Variants in RYR1 observed in about 807,000 individuals in gnomAD.
RYR1 encodes the protein central core disease of muscle.
Under a neutral mutation model 583.5 loss-of-function variants are expected in RYR1, and 342 were observed. The ratio of observed to expected loss-of-function variants is 0.59; its 90% CI spans 0.54 to 0.64. The LOEUF is 0.64. Ranked by LOEUF, RYR1 falls within the 30% of genes least tolerant of loss-of-function variation. The pLI is 0.00. For missense variants in RYR1, 6,032 were observed against 6,917.2 expected (o/e 0.87, Z 4.54); for synonymous variants, 2,791 against 2,822.5 (o/e 0.99, Z 0.35).
At chr19:38,579,882 A>C in intron 99 of RYR1, 100 bp from the exon 100 acceptor site, 1 of 1,524,644 alleles carries the variant, frequency 6.6e-7, no homozygotes, top group East Asian at 2.3e-5. Flanking sequence ...CTGGCACCCG[A>C]CCCCCAGGGC....
chr19:38,451,305 T>TG lies in RYR1; in HGVS notation c.1123-455dup, dbSNP rs1967063254. 2.6e-5 allele frequency among the ~76,000 whole-genome samples: 4 copies of TG among 151,940 alleles called. No individual in the cohort carries two copies. The South Asian group carries it at 8.3e-4, about 32-fold the overall frequency. ...TGGATGAGTTCTGGGGAGGTCGGCT[T>TG]GGGGTGAAGCTGGCAGCCATGATGG... On this transcript the variant is annotated intron_variant, in intron 11 of 105. Coordinates refer to ENST00000359596, the MANE Select transcript of RYR1 (RefSeq NM_000540.3).
chr19:38,469,411 C>T lies in RYR1; in HGVS notation c.3663C>T (p.Gly1221=). ...TTGCCATCTGTGGCCTCCAGGAAGGCTTCGAGCCATTTGCCATCAACATGC... is the reference window on the plus strand; with the variant it reads ...TTGCCATCTGTGGCCTCCAGGAAGGTTTCGAGCCATTTGCCATCAACATGC... ...RFFAICGLQE[G]FEPFAINMQR... is the part of the protein sequence containing the mutation. Residue 1221 remains glycine, a synonymous_variant, in exon 27 of 106, where the codon GGC becomes GGT. Transcript: ENST00000359596. 6.2e-7 allele frequency: 1 copy of T among 1,614,190 alleles called. No homozygotes were observed. The highest frequency in any genetic ancestry group is 8.5e-7 in the Non-Finnish European group (1 of 1,180,048).
Position 38,483,912 on chromosome 19 carries a change from C to A in RYR1, c.4934+396C>A, listed in dbSNP as rs1016068090. ...GAGGCTTGGATGCACCCTAGAGTCT[C>A]TTGGGCATATGCAGGGAGGCTTTAA... On this transcript the variant is annotated intron_variant, in intron 33 of 105. Transcript: ENST00000359596. The surrounding 1 kb of genome is among the most constrained non-coding windows in gnomAD (Gnocchi z 6.3). Among the ~76,000 whole-genome samples the A allele has an allele frequency of 6.6e-6, 1 of 151,898 alleles. No individual in the cohort carries two copies. The highest frequency in any genetic ancestry group is 2.4e-5 in the African/African-American group (1 of 41,334).
intron 38 of RYR1, 125 bp from the exon 39 acceptor site, chr19:38,494,227 C>A: frequency 9.4e-7 from 1 of 1,065,326 alleles, no homozygotes; most frequent in Non-Finnish European, 1.4e-6. Context: ...AGGTGGAGGG[C>A]GCAGGTGGTA....
At position 38,519,303 on chromosome 19, in the gene RYR1, G is replaced by A. The variant is rs1325887646; in HGVS notation, c.10108G>A (p.Gly3370Arg). 1.9e-6 allele frequency: 3 copies of A among 1,614,118 alleles called. No individual in the cohort carries two copies. The highest frequency in any genetic ancestry group is 2.2e-5 in the East Asian group (1 of 44,876). Residue 3370 changes from glycine to arginine, a missense_variant, in exon 67 of 106, where the codon GGG (glycine) becomes AGG (arginine). Around this residue, in one of 11 missense-constraint regions of RYR1, gnomAD observed 1,493 missense variants for 1,715.5 expected, o/e 0.87. Coordinates refer to ENST00000359596, the MANE Select transcript of RYR1 (RefSeq NM_000540.3). ...PTIGRLRKRAGKVVSEEEQLR... is the reference protein window; with the variant it reads ...PTIGRLRKRARKVVSEEEQLR... ...TATCGGGCGGCTGCGCAAGAGGGCA[G>A]GGAAGGTGGTGTCCGAGGAGGAGCA...
At chr19:38,475,012 A>G (rs955902641) in intron 28 of RYR1, among the ~76,000 whole-genome samples, 1 of 152,170 alleles carries the variant, frequency 6.6e-6, no homozygotes, top group Non-Finnish European at 1.5e-5. Flanking sequence ...TTCCAAGTGC[A>G]TTTAGCACCT....
At chr19:38,521,868 G>A (rs552392526) in intron 67 of RYR1, among the ~76,000 whole-genome samples, 29 of 151,508 alleles carry the variant, frequency 1.9e-4, no homozygotes, top group African/African-American at 6.3e-4. Context: ...CACCACACCC[G>A]GCTAATTTTT....
chr19:38,568,298 C>T (rs567705432), intron 93 of RYR1, among the ~76,000 whole-genome samples: 35 of 152,172 alleles, frequency 2.3e-4, no homozygotes, highest in Non-Finnish European at 5.9e-5. Flanking sequence ...CTCCACCACT[C>T]CCAGTGCTGC....
At chr19:38,501,374 T>G (rs986353712) in intron 47 of RYR1, among the ~76,000 whole-genome samples, 1 of 152,150 alleles carries the variant, frequency 6.6e-6, no homozygotes, top group African/African-American at 2.4e-5. Flanking sequence ...GGCGCACACT[T>G]GTAATCCCAG....
intron 33 of RYR1, among the ~76,000 whole-genome samples, 200 bp from the exon 34 acceptor site, chr19:38,485,390 T>C (rs1334650394): frequency 1.3e-5 from 2 of 152,192 alleles, no homozygotes; most frequent in African/African-American, 4.8e-5. Context: ...TAAGCATCTC[T>C]GCCTTTCTGG....
At chr19:38,584,292 T>C in intron 101 of RYR1, among the ~76,000 whole-genome samples, 1 of 64,600 alleles carries the variant, frequency 1.5e-5, no homozygotes, top group East Asian at 5.9e-4. Flanking sequence ...TCCCTACACC[T>C]GTGCCCCCCC....
At chr19:38,459,503 G>A (rs886187015) in intron 19 of RYR1, among the ~76,000 whole-genome samples, 165 bp downstream of exon 19, 1 of 152,106 alleles carries the variant, frequency 6.6e-6, no homozygotes, top group Admixed American at 6.5e-5. Context: ...GGACCTCCAC[G>A]TGACTCCAGA....
At chr19:38,538,314 C>T (rs994331598) in intron 84 of RYR1, among the ~76,000 whole-genome samples, 1 of 152,144 alleles carries the variant, frequency 6.6e-6, no homozygotes, top group Admixed American at 6.5e-5. Context: ...GCAGGAGAAT[C>T]GCTTGAACCC....
chr19:38,499,694 T>C lies in RYR1; in HGVS notation c.7087T>C (p.Cys2363Arg), dbSNP rs771248430. 1.9e-6 allele frequency: 3 copies of C among 1,600,784 alleles called. No individual in the cohort carries two copies. Among genetic ancestry groups the C allele is most frequent in the Non-Finnish European group, 2.5e-6 (3 of 1,179,806 alleles). ...VVRLLIRKPE[C>R]FGPALRGEGG... ...GCGGCTGCTCATCCGGAAGCCTGAGTGCTTCGGACCCGCCCTGCGGGGTGA... is the reference window on the plus strand; with the variant it reads ...GCGGCTGCTCATCCGGAAGCCTGAGCGCTTCGGACCCGCCCTGCGGGGTGA... The change falls in exon 44 of 106, where the codon TGC becomes CGC. Residue 2363 changes from cysteine to arginine, a missense_variant. Coordinates refer to ENST00000359596, the MANE Select transcript of RYR1 (RefSeq NM_000540.3). The surrounding 1 kb of genome is among the most constrained non-coding windows in gnomAD (Gnocchi z 7.3).
chr19:38,433,941 C>T, intron 1 of RYR1, 67 bp downstream of exon 1: 1 of 1,363,144 alleles, frequency 7.3e-7, no homozygotes, highest in Non-Finnish European at 1.1e-6. Context: ...CTCTCTGTCT[C>T]TGAATGTCCC....
At chr19:38,522,916 C>A in intron 67 of RYR1, 112 bp from the exon 68 acceptor site, 1 of 876,752 alleles carries the variant, frequency 1.1e-6, no homozygotes, top group Non-Finnish European at 1.8e-6. Flanking sequence ...AAACCCCATC[C>A]CTCTGACTGG....
At position 38,512,700 on chromosome 19, in the gene RYR1, A is replaced by G. The variant is rs1448970631; in HGVS notation, c.9472+217A>G. Among the ~76,000 whole-genome samples the G allele has an allele frequency of 6.6e-6, 1 of 152,172 alleles. No individual in the cohort carries two copies. The highest frequency in any genetic ancestry group is 1.5e-5 in the Non-Finnish European group (1 of 68,020). On this transcript the variant is annotated intron_variant, in intron 63 of 105. Transcript: ENST00000359596. The surrounding 1 kb of genome is among the most constrained non-coding windows in gnomAD (Gnocchi z 5.1). Reference sequence around the variant, plus strand: ...CCTAAGTGGACTGGCGCAGTGACTCACACCTGTAATTCCAGCACTTTGGGA... The same window carrying G: ...CCTAAGTGGACTGGCGCAGTGACTCGCACCTGTAATTCCAGCACTTTGGGA...
rs1027596623 is a variant in RYR1 at position 38,543,372 on chromosome 19, G to A, written c.11715G>A (p.Gln3905=). The A allele has an allele frequency of 1.2e-6, 2 of 1,614,082 alleles. No homozygotes were observed. The highest frequency in any genetic ancestry group is 1.7e-5 in the Admixed American group (1 of 60,006). The change falls in exon 85 of 106, where the codon CAG becomes CAA. Residue 3905 remains glutamine (Q), a synonymous_variant. Coordinates refer to ENST00000359596, the MANE Select transcript of RYR1 (RefSeq NM_000540.3). The surrounding 1 kb of genome is among the most constrained non-coding windows in gnomAD (Gnocchi z 4.4). The part of the protein sequence containing the change: ...NNDFQNYLRT[Q]TGNTTTINII... ...ATTTCCAGAACTACCTACGGACACA[G>A]ACAGGGAACACGACCACTATTAACA...
intron 93 of RYR1, among the ~76,000 whole-genome samples, chr19:38,569,292 C>G (rs1240859270): frequency 6.6e-6 from 1 of 152,152 alleles, no homozygotes; most frequent in Non-Finnish European, 1.5e-5. Flanking sequence ...CAGGCGTGAG[C>G]CACTGCACCT....
Sources: gnomAD v4.1 joint callset for allele counts (sites outside exome capture counted in the v4.1 genomes callset) on GRCh38, gnomAD v4.1.1 for gene constraint, gnomAD v4.1.1 regional missense constraint, Gnocchi (gnomAD v3.1) non-coding constraint, MANE v1.5 for transcripts, NCBI Gene and HGNC (gene_info 2026-07-23, HGNC 2026-07-21) for gene names.